The following GNAL variants were observed in gnomAD, a reference collection of about 807,000 sequenced individuals.
The protein encoded by GNAL is guanine nucleotide-binding protein G(olf) subunit alpha.
In GNAL, 18 loss-of-function variants were observed where a neutral mutation model predicts 55.1. That is an observed-to-expected ratio of 0.33 (90% CI 0.23 to 0.48). The LOEUF (loss-of-function observed/expected upper bound fraction) is 0.48, where lower values mean the gene tolerates loss of function less well. Among genes scored for constraint, GNAL ranks in the 20% least tolerant of loss-of-function variants. GNAL has a pLI of 0.99. For missense variants in GNAL, 412 were observed against 614.1 expected (o/e 0.67, Z 3.48); for synonymous variants, 253 against 237.0 (o/e 1.07, Z -0.62).
In GNAL at chr18:11,741,314, G is replaced by A. The variant is rs59753595; in HGVS notation, c.377-11539G>A. 4.9e-3 allele frequency among the ~76,000 whole-genome samples: 747 copies of A among 152,280 alleles called. 5 individuals carry two copies. The highest frequency in any genetic ancestry group is 0.017 in the African/African-American group (695 of 41,550). ...TATGGACCAAATTGTGGGCAATATG[G>A]TGCATTCTATAATCATCAAATGAGA... On this transcript the variant is annotated intron_variant, in intron 1 of 11. Transcript: ENST00000334049.
chr18:11,847,170 G>A (rs1007300441), intron 5 of GNAL, among the ~76,000 whole-genome samples: 6 of 151,914 alleles, frequency 3.9e-5, no homozygotes, highest in Non-Finnish European at 8.8e-5. Context: ...TTTTCCAGAG[G>A]TTGAATAGTA....
intron 4 of GNAL, among the ~76,000 whole-genome samples, chr18:11,769,203 A>T (rs1177589490): frequency 7.0e-6 from 1 of 142,700 alleles, no homozygotes; most frequent in Non-Finnish European, 1.5e-5. Context: ...ATTATATATA[A>T]TATATATAAT....
intron 5 of GNAL, among the ~76,000 whole-genome samples, chr18:11,840,529 C>T (rs2035590791): frequency 6.6e-6 from 1 of 152,234 alleles, no homozygotes; most frequent in South Asian, 2.1e-4. Context: ...CATTCCAGCT[C>T]TTCCTTTGAA....
rs773238213 is a variant in GNAL, at chr18:11,689,925, G to A, written c.362G>A (p.Arg121Gln). ...DQKRDLQQTH[R>Q]LLLLGAGESG... ...AAGCGCGACCTGCAGCAGACGCACC[G>A]GCTCCTGCTGCTCGGTAGGTCCCGG... Residue 121 changes from arginine to glutamine, a missense_variant, in exon 1 of 12, where the codon CGG becomes CAG. By Grantham distance (43) the Arg-to-Gln change is conservative (BLOSUM62 1). Around this residue, in one of 5 missense-constraint regions of GNAL, gnomAD observed 228 missense variants for 194.8 expected, o/e 1.17. Coordinates refer to ENST00000334049, the MANE Select transcript of GNAL (RefSeq NM_182978.4). The A allele has an allele frequency of 1.4e-6, 2 of 1,410,378 alleles. No individual in the cohort carries two copies. Among genetic ancestry groups the A allele is most frequent in the African/African-American group, 1.5e-5 (1 of 67,914 alleles). The allele number at this position is 1,410,378 out of a possible 1,614,324, so 87.4% of individuals were successfully genotyped here. A position where few individuals can be genotyped will look rare whatever the true frequency, so the allele number is the denominator to read the frequency against.
In GNAL at chr18:11,817,594, T is replaced by C. The variant is rs148935746; in HGVS notation, c.625-7324T>C. 3.3e-5 allele frequency among the ~76,000 whole-genome samples: 5 copies of C among 152,252 alleles called. No homozygotes were observed. The East Asian group carries it at 9.7e-4, about 29-fold the overall frequency. On this transcript the variant is annotated intron_variant, in intron 4 of 11. Coordinates refer to ENST00000334049, the MANE Select transcript of GNAL (RefSeq NM_182978.4). ...TTAATTGGCTTGTTTTCGTGTAGTT[T>C]TCTTTTTGTTTGGTTGTGTTTTTTG...
intron 4 of GNAL, among the ~76,000 whole-genome samples, chr18:11,754,998 A>ATGTGTGTGTGTG (rs59291287): frequency 2.0e-5 from 3 of 149,048 alleles, no homozygotes; most frequent in African/African-American, 7.4e-5. Context: ...GTGAGTGTGT[A>ATGTGTGTGTGTG]TGTGTGTGTG....
intron 1 of GNAL, among the ~76,000 whole-genome samples, chr18:11,715,473 A>AAG (rs890917448): frequency 2.0e-4 from 30 of 151,964 alleles, no homozygotes; most frequent in African/African-American, 7.0e-4. Context: ...AAAAAAAAAA[A>AAG]AAAAAGAAAA....
At chr18:11,829,914 G>T (rs1598412853) in intron 5 of GNAL, among the ~76,000 whole-genome samples, 1 of 152,210 alleles carries the variant, frequency 6.6e-6, no homozygotes, top group South Asian at 2.1e-4. Flanking sequence ...GGAAGCTGAG[G>T]CAGGAGAATT....
intron 4 of GNAL, among the ~76,000 whole-genome samples, chr18:11,758,732 G>T (rs1041740359): frequency 1.3e-5 from 2 of 152,130 alleles, no homozygotes; most frequent in African/African-American, 4.8e-5. Flanking sequence ...TTTGTTCAAG[G>T]CTTGACTCCC....
chr18:11,851,778 C>G (rs1261641572), intron 5 of GNAL: 3 of 1,613,956 alleles, frequency 1.9e-6, no homozygotes, highest in Non-Finnish European at 2.5e-6. Flanking sequence ...GCAAGGTGAC[C>G]AAGTCGATGG....
chr18:11,775,761 T>C (rs1294707131), intron 4 of GNAL, among the ~76,000 whole-genome samples: 2 of 152,230 alleles, frequency 1.3e-5, no homozygotes, highest in African/African-American at 4.8e-5. Context: ...CAAGATCCTA[T>C]GTCCTCAAGG....
At chr18:11,767,086 T>C (rs769605261) in intron 4 of GNAL, among the ~76,000 whole-genome samples, 9 of 152,226 alleles carry the variant, frequency 5.9e-5, no homozygotes, top group Non-Finnish European at 1.3e-4. Flanking sequence ...CCCAGTTTGA[T>C]ATTTCTGCCC....
intron 1 of GNAL, among the ~76,000 whole-genome samples, chr18:11,718,971 A>G (rs2032034181): frequency 6.6e-6 from 1 of 152,174 alleles, no homozygotes; most frequent in African/African-American, 2.4e-5. Flanking sequence ...TTTGTGTACC[A>G]TGAATTAAAT....
chr18:11,728,395 C>T (rs953268914), intron 1 of GNAL, among the ~76,000 whole-genome samples: 4 of 152,282 alleles, frequency 2.6e-5, no homozygotes, highest in African/African-American at 9.6e-5. Context: ...TCCACCTGCT[C>T]TCACAGCCAG....
rs115582254 is a variant in GNAL at position 11,719,102 on chromosome 18, T to C, written c.376+29163T>C. Among the ~76,000 whole-genome samples the C allele has an allele frequency of 5.5e-3, 830 of 152,270 alleles. 6 individuals are homozygous for C. The highest frequency in any genetic ancestry group is 0.019 in the African/African-American group (773 of 41,540). On this transcript the variant is annotated intron_variant, in intron 1 of 11. Coordinates refer to ENST00000334049, the MANE Select transcript of GNAL (RefSeq NM_182978.4). ...TGGGGACGGATAGAGCTAAAATGTA[T>C]TGAGGACCTCATATGTGTACTATAT...
intron 4 of GNAL, among the ~76,000 whole-genome samples, chr18:11,767,192 A>C (rs1165295191): frequency 6.6e-6 from 1 of 150,568 alleles, no homozygotes; most frequent in Non-Finnish European, 1.5e-5. Context: ...GTGTGCCTTT[A>C]CATTTGCATG....
intron 1 of GNAL, among the ~76,000 whole-genome samples, chr18:11,698,380 A>G (rs528411895): frequency 1.3e-5 from 2 of 151,678 alleles, no homozygotes; most frequent in East Asian, 1.9e-4. Context: ...GATCCCAGCT[A>G]CTTGGGAGGC....
At chr18:11,850,091 G>C (rs1332092480) in intron 5 of GNAL, among the ~76,000 whole-genome samples, 1 of 152,182 alleles carries the variant, frequency 6.6e-6, no homozygotes, top group Non-Finnish European at 1.5e-5. Flanking sequence ...TAAAATCCAG[G>C]CAACAGGAAC....
At chr18:11,845,181 T>C (rs560043177) in intron 5 of GNAL, among the ~76,000 whole-genome samples, 17 of 152,296 alleles carry the variant, frequency 1.1e-4, no homozygotes, top group African/African-American at 3.1e-4. Context: ...TTTTAACTTA[T>C]AGATTGTAAG....
Sources: allele counts gnomAD v4.1 joint callset (sites outside exome capture counted in the v4.1 genomes callset), GRCh38; gene constraint gnomAD v4.1.1; regional missense constraint gnomAD v4.1.1; transcripts MANE v1.5; gene names NCBI Gene and HGNC (gene_info 2026-07-23, HGNC 2026-07-21).